SUSD5: variants seen among roughly 807,000 people sequenced by gnomAD.
The protein encoded by SUSD5 is sushi domain containing 5.
SUSD5 carries 33 observed loss-of-function variants against 29.5 expected under a neutral mutation model. That is an observed-to-expected ratio of 1.12 (90% CI 0.85 to 1.49). The LOEUF (loss-of-function observed/expected upper bound fraction) is 1.49, where lower values mean the gene tolerates loss of function less well. Ranked by LOEUF, SUSD5 falls within the 40% of genes most tolerant of loss-of-function variation. The pLI is 0.00. For synonymous variants in SUSD5, 308 were observed against 325.3 expected (o/e 0.95, Z 0.57); for missense variants, 776 against 800.6 (o/e 0.97, Z 0.37).
intron 2 of SUSD5, among the ~76,000 whole-genome samples, chr3:33,211,472 A>C (rs1306988761): frequency 6.6e-6 from 1 of 152,222 alleles, no homozygotes; most frequent in African/African-American, 2.4e-5. Context: ...TCTATTCAAG[A>C]GCATAGATAT....
At chr3:33,210,506 G>C (rs1019928079) in intron 2 of SUSD5, among the ~76,000 whole-genome samples, 6 of 152,198 alleles carry the variant, frequency 3.9e-5, no homozygotes, top group Non-Finnish European at 2.9e-5. Flanking sequence ...TGGCCCAAAA[G>C]TCTGAATTCA....
At chr3:33,184,337 T>C (rs749253805) in intron 3 of SUSD5, among the ~76,000 whole-genome samples, 4 of 152,288 alleles carry the variant, frequency 2.6e-5, no homozygotes, top group Admixed American at 2.0e-4. Context: ...TTCCTCTAGA[T>C]TCTTCCAAGA....
intron 2 of SUSD5, among the ~76,000 whole-genome samples, chr3:33,209,798 C>T (rs1459583745): frequency 6.6e-6 from 1 of 152,098 alleles, no homozygotes; most frequent in African/African-American, 2.4e-5. Flanking sequence ...TAGGCATGCA[C>T]CACCATGCCC....
intron 3 of SUSD5, among the ~76,000 whole-genome samples, chr3:33,196,119 T>C (rs2031990985): frequency 6.6e-6 from 1 of 152,202 alleles, no homozygotes; most frequent in Non-Finnish European, 1.5e-5. Context: ...TGAATGGCCC[T>C]GAATGGATCT....
At position 33,152,833 on chromosome 3, in the gene SUSD5, T is replaced by G; in HGVS notation, c.1799A>C (p.Lys600Thr). The G allele has an allele frequency of 6.2e-7, 1 of 1,613,990 alleles. No homozygotes were observed. The highest frequency in any genetic ancestry group is 1.1e-5 in the South Asian group (1 of 91,076). The change falls in exon 5 of 5, where the codon AAG becomes ACG. Residue 600 changes from lysine (K) to threonine (T), a missense_variant. By Grantham distance (78) the Lys-to-Thr change is moderately conservative. Transcript: ENST00000309558. ...GTACACAGAGCTCTTGTGCTGGCAC[T>G]TGCGGTAGCCCCACACCATCCCCAC... is the stretch of plus-strand genomic sequence containing the variant. ...AGVGMVWGYRKCQHKSSVYKL... is the reference protein window; with the variant it reads ...AGVGMVWGYRTCQHKSSVYKL...
Position 33,153,811 on chromosome 3 carries a change from C to G in SUSD5, c.821G>C (p.Gly274Ala), listed in dbSNP as rs201254022. ...KVFVPTTGLP[G>A]AGSSVPADSP... ...ATCTGCGGGGACACTGCTCCCAGCA[C>G]CAGGCAAGCCTGTGGTTGGCACAAA... is the stretch of plus-strand genomic sequence containing the variant. The change falls in exon 5 of 5, where the codon GGT becomes GCT. Residue 274 changes from glycine to alanine, a missense_variant. By Grantham distance (60) the Gly-to-Ala change is moderately conservative. Transcript: ENST00000309558. 5 of 1,613,978 alleles carry G rather than the reference C, an allele frequency of 3.1e-6. No homozygotes were observed. The African/African-American group carries it at 5.3e-5, about 17-fold the overall frequency.
At chr3:33,194,438 C>CCCCTTGTACA (rs1180655459) in intron 3 of SUSD5, among the ~76,000 whole-genome samples, 1 of 152,078 alleles carries the variant, frequency 6.6e-6, no homozygotes, top group Non-Finnish European at 1.5e-5. Context: ...GAGATGAGGG[C>CCCCTTGTACA]AGAGGTCAGA....
intron 3 of SUSD5, among the ~76,000 whole-genome samples, chr3:33,197,443 T>G (rs1356040520): frequency 6.6e-6 from 1 of 152,220 alleles, no homozygotes; most frequent in Non-Finnish European, 1.5e-5. Context: ...ATAATTTTTT[T>G]CTTGTTCTTT....
At chr3:33,168,525 G>C (rs2031354123) in intron 4 of SUSD5, 1 of 985,300 alleles carries the variant, frequency 1.0e-6, no homozygotes. Flanking sequence ...CTTACTGAGG[G>C]GACAGCTAGT....
intron 4 of SUSD5, among the ~76,000 whole-genome samples, chr3:33,163,645 T>C (rs907720024): frequency 6.6e-6 from 1 of 152,028 alleles, no homozygotes; most frequent in African/African-American, 2.4e-5. Context: ...GTGGATCACC[T>C]GAGGTCAGGA....
At chr3:33,168,060 A>G (rs756550441) in intron 4 of SUSD5, among the ~76,000 whole-genome samples, 2 of 152,244 alleles carry the variant, frequency 1.3e-5, no homozygotes, top group Non-Finnish European at 2.9e-5. Context: ...GAGCACAGAA[A>G]GTCATACGTC....
chr3:33,201,195 T>A (rs960234622), intron 3 of SUSD5, among the ~76,000 whole-genome samples: 1 of 152,176 alleles, frequency 6.6e-6, no homozygotes, highest in East Asian at 1.9e-4. Flanking sequence ...TCAGAGGTCA[T>A]GTGGACCCTC....
intron 4 of SUSD5, among the ~76,000 whole-genome samples, chr3:33,169,636 T>G (rs1397649238): frequency 2.0e-5 from 3 of 152,186 alleles, no homozygotes; most frequent in East Asian, 1.9e-4. Flanking sequence ...GAGTGAGTGT[T>G]TGGTTTATAA....
At chr3:33,200,081 G>A (rs1477374230) in intron 3 of SUSD5, among the ~76,000 whole-genome samples, 1 of 152,184 alleles carries the variant, frequency 6.6e-6, no homozygotes, top group Non-Finnish European at 1.5e-5. Flanking sequence ...ATACAAGACA[G>A]AGCAAGACAG....
Position 33,174,949 on chromosome 3 carries a change from C to T in SUSD5, c.535G>A (p.Ala179Thr), listed in dbSNP as rs772010523. The change falls in exon 4 of 5, where the codon GCC (alanine) becomes ACC (threonine). Residue 179 changes from alanine (A) to threonine (T), a missense_variant. By Grantham distance (58) the Ala-to-Thr change is moderately conservative (BLOSUM62 0). Transcript: ENST00000309558. ...CAGCTGTTACATAGCAAGGTGAAGG[C>T]GGTCTCCCGGTGGCCCATGATGTGG... is the stretch of plus-strand genomic sequence containing the variant. ...PGHIMGHRET[A>T]FTLLCNSCGE... 32 of 1,613,916 alleles carry T rather than the reference C, an allele frequency of 2.0e-5. 1 individual carries two copies. The highest frequency in any genetic ancestry group is 3.3e-5 in the Admixed American group (2 of 60,006).
At chr3:33,158,412 A>G (rs2031102951) in intron 4 of SUSD5, among the ~76,000 whole-genome samples, 1 of 152,114 alleles carries the variant, frequency 6.6e-6, no homozygotes, top group Non-Finnish European at 1.5e-5. Flanking sequence ...GGCTGGTGAG[A>G]GCATCTCTTC....
intron 3 of SUSD5, among the ~76,000 whole-genome samples, chr3:33,178,590 G>A (rs2031602785): frequency 6.6e-6 from 1 of 152,076 alleles, no homozygotes; most frequent in Non-Finnish European, 1.5e-5. Flanking sequence ...GGGACTACAG[G>A]TGCCCACCAC....
chr3:33,206,920 C>T lies in SUSD5; in HGVS notation c.409+888G>A, dbSNP rs559223972. On this transcript the variant is annotated intron_variant, in intron 3 of 4. Transcript: ENST00000309558. ...TATTTTTTAATTACTCCCCCCACCC[C>T]TCCCCAATGAGTCCAGTGTGCAGCC... 8.5e-5 allele frequency among the ~76,000 whole-genome samples: 13 copies of T among 152,266 alleles called. No homozygotes were observed. The East Asian group carries it at 2.3e-3, about 27-fold the overall frequency.
At chr3:33,177,380 T>C (rs986070769) in intron 3 of SUSD5, among the ~76,000 whole-genome samples, 6 of 152,242 alleles carry the variant, frequency 3.9e-5, no homozygotes, top group African/African-American at 7.2e-5. Flanking sequence ...TCTTCTTTGA[T>C]ATATTTCATC....
Sources: allele counts gnomAD v4.1 joint callset (sites outside exome capture counted in the v4.1 genomes callset), GRCh38; gene constraint gnomAD v4.1.1; transcripts MANE v1.5; gene names NCBI Gene and HGNC (gene_info 2026-07-23, HGNC 2026-07-21).